Variants in CCDC91 observed in about 807,000 individuals in gnomAD.
CCDC91 encodes the protein coiled-coil domain containing 91.
Under a neutral mutation model 63.2 loss-of-function variants are expected in CCDC91, and 48 were observed. The observed-to-expected ratio is 0.76, with a 90% CI of 0.60 to 0.97. The LOEUF is 0.97. CCDC91 is among the 50% of genes least tolerant of loss of function. The pLI, the probability that CCDC91 is intolerant of heterozygous loss-of-function variation, is 0.00. For missense variants in CCDC91, 500 were observed against 494.6 expected, an observed-to-expected ratio of 1.01 and a Z score of -0.10; for synonymous variants, 167 against 165.8, an observed-to-expected ratio of 1.01 and a Z score of -0.06.
At chr12:28,424,563 C>G (rs1948200668) in intron 8 of CCDC91, among the ~76,000 whole-genome samples, 1 of 152,042 alleles carries the variant, frequency 6.6e-6, no homozygotes, top group Non-Finnish European at 1.5e-5. Context: ...TTGGAATTAC[C>G]TTTTCATTAA....
At chr12:28,292,756 A>G (rs1949328599) in intron 3 of CCDC91, among the ~76,000 whole-genome samples, 1 of 152,208 alleles carries the variant, frequency 6.6e-6, no homozygotes, top group African/African-American at 2.4e-5. Flanking sequence ...AGGTAGACGT[A>G]CATTGCCTTT....
chr12:28,471,737 T>C (rs1592766950), intron 11 of CCDC91, among the ~76,000 whole-genome samples: 1 of 151,664 alleles, frequency 6.6e-6, no homozygotes, highest in Admixed American at 6.6e-5. Flanking sequence ...GAAGTGACAT[T>C]GTTTTGTTTA....
chr12:28,390,938 CTTTTTTTTTTTTTTT>C (rs1156695026), intron 7 of CCDC91, among the ~76,000 whole-genome samples: 1 of 137,012 alleles, frequency 7.3e-6, no homozygotes, highest in East Asian at 2.2e-4. Context: ...CTTTTTCTTT[CTTTTTTTTTTTTTTT>C]CAGCAGCTTT....
At chr12:28,411,957 C>G (rs1592595260) in intron 8 of CCDC91, among the ~76,000 whole-genome samples, 1 of 152,288 alleles carries the variant, frequency 6.6e-6, no homozygotes, top group African/African-American at 2.4e-5. Context: ...GGCCCTACCC[C>G]CCAACACCAC....
chr12:28,419,356 A>G (rs1179847436), intron 8 of CCDC91, among the ~76,000 whole-genome samples: 1 of 152,164 alleles, frequency 6.6e-6, no homozygotes, highest in Non-Finnish European at 1.5e-5. Context: ...CATGACGGTA[A>G]ATATAAGTGG....
At chr12:28,533,912 C>A (rs1026551818) in intron 12 of CCDC91, among the ~76,000 whole-genome samples, 2 of 151,448 alleles carry the variant, frequency 1.3e-5, no homozygotes, top group Non-Finnish European at 3.0e-5. Flanking sequence ...TGATTCTAAT[C>A]AAATGTTTTT....
intron 12 of CCDC91, among the ~76,000 whole-genome samples, chr12:28,547,012 T>A (rs1943036574): frequency 6.6e-6 from 1 of 152,102 alleles, no homozygotes; most frequent in Non-Finnish European, 1.5e-5. Context: ...TTAAGCAATT[T>A]TTTAAAATGA....
chr12:28,539,074 G>A (rs570238998), intron 12 of CCDC91, among the ~76,000 whole-genome samples: 3 of 152,184 alleles, frequency 2.0e-5, no homozygotes, highest in South Asian at 4.2e-4. Context: ...TCACTCTGAT[G>A]GTAGTTTCTT....
chr12:28,336,908 A>G (rs1244194012), intron 6 of CCDC91, among the ~76,000 whole-genome samples: 1 of 147,958 alleles, frequency 6.8e-6, no homozygotes, highest in East Asian at 1.9e-4. Flanking sequence ...ATGGATTATT[A>G]CATGTAATTT....
chr12:28,377,459 A>G (rs1191562699), intron 7 of CCDC91, among the ~76,000 whole-genome samples: 1 of 151,884 alleles, frequency 6.6e-6, no homozygotes, highest in Non-Finnish European at 1.5e-5. Flanking sequence ...GTTTGTTTTA[A>G]TATTTTATGC....
chr12:28,386,893 G>A (rs1028584461), intron 7 of CCDC91, among the ~76,000 whole-genome samples: 20 of 151,942 alleles, frequency 1.3e-4, no homozygotes, highest in Non-Finnish European at 2.5e-4. Flanking sequence ...CTTTATGGGT[G>A]TTTAGAATAG....
chr12:28,356,986 C>A (rs1277261230), intron 6 of CCDC91, among the ~76,000 whole-genome samples: 2 of 152,118 alleles, frequency 1.3e-5, no homozygotes, highest in Non-Finnish European at 2.9e-5. Context: ...GCAGAGGATC[C>A]TGTTGCTATG....
chr12:28,429,895 A>G (rs999718262), intron 8 of CCDC91, among the ~76,000 whole-genome samples: 1 of 152,060 alleles, frequency 6.6e-6, no homozygotes, highest in Non-Finnish European at 1.5e-5. Context: ...GTCAATCTGT[A>G]ATGTATTTTT....
chr12:28,451,159 T>C (rs1223552124), intron 10 of CCDC91, among the ~76,000 whole-genome samples: 1 of 151,684 alleles, frequency 6.6e-6, no homozygotes, highest in Non-Finnish European at 1.5e-5. Flanking sequence ...GGGAGACATA[T>C]TGACATTTTA....
chr12:28,311,138 C>T (rs1219524014), intron 6 of CCDC91, among the ~76,000 whole-genome samples: 1 of 151,930 alleles, frequency 6.6e-6, no homozygotes, highest in Non-Finnish European at 1.5e-5. Flanking sequence ...TTCCACTCAG[C>T]CCCCTTTGAC....
chr12:28,282,787 A>G (rs1488851698), intron 3 of CCDC91, among the ~76,000 whole-genome samples: 2 of 152,128 alleles, frequency 1.3e-5, no homozygotes, highest in Admixed American at 1.3e-4. Flanking sequence ...GCCTAGGCCA[A>G]TGTCCAGAAG....
intron 6 of CCDC91, among the ~76,000 whole-genome samples, chr12:28,315,086 C>G (rs1474783494): frequency 6.6e-6 from 1 of 151,446 alleles, no homozygotes; most frequent in Non-Finnish European, 1.5e-5. Context: ...TTATTCAAAC[C>G]AAACAGGTAG....
At chr12:28,540,911 G>A (rs562450667) in intron 12 of CCDC91, among the ~76,000 whole-genome samples, 14 of 152,206 alleles carry the variant, frequency 9.2e-5, no homozygotes, top group African/African-American at 3.1e-4. Flanking sequence ...GGCTAGATTG[G>A]AGCTGGATAT....
At chr12:28,499,407 G>A (rs1200483487) in intron 12 of CCDC91, among the ~76,000 whole-genome samples, 3 of 151,724 alleles carry the variant, frequency 2.0e-5, no homozygotes, top group Admixed American at 6.6e-5. Flanking sequence ...TGCAGAATGT[G>A]CAGGTTTGTT....
Sources: gnomAD v4.1 joint callset for allele counts (sites outside exome capture counted in the v4.1 genomes callset) on GRCh38, gnomAD v4.1.1 for gene constraint, MANE v1.5 for transcripts, NCBI Gene and HGNC (gene_info 2026-07-23, HGNC 2026-07-21) for gene names.